The following SLC16A14 variants were observed in gnomAD, a reference collection of about 807,000 sequenced individuals.
SLC16A14 encodes the protein monocarboxylate transporter 14.
SLC16A14 carries 14 observed loss-of-function variants against 35.8 expected under a neutral mutation model. The observed-to-expected ratio is 0.39, with a 90% CI of 0.26 to 0.61. The LOEUF (loss-of-function observed/expected upper bound fraction) is 0.61, where lower values mean the gene tolerates loss of function less well. Ranked by LOEUF, SLC16A14 falls within the 20% of genes least tolerant of loss-of-function variation. SLC16A14 has a pLI of 0.51. For missense variants in SLC16A14, 533 were observed against 655.0 expected, an observed-to-expected ratio of 0.81 and a Z score of 2.03; for synonymous variants, 248 against 258.9, an observed-to-expected ratio of 0.96 and a Z score of 0.40.
chr2:230,039,396 A>G (rs1291226229), intron 4 of SLC16A14, among the ~76,000 whole-genome samples: 1 of 152,142 alleles, frequency 6.6e-6, no homozygotes, highest in Non-Finnish European at 1.5e-5. Flanking sequence ...CTATAATTGG[A>G]GACAAGGGGG....
intron 1 of SLC16A14, among the ~76,000 whole-genome samples, chr2:230,063,185 G>T (rs920821590): frequency 2.0e-5 from 3 of 151,750 alleles, no homozygotes; most frequent in African/African-American, 7.3e-5. Flanking sequence ...TACTTGGGAG[G>T]CTGAGGTAGG....
intron 1 of SLC16A14, among the ~76,000 whole-genome samples, chr2:230,064,332 C>CTGTG (rs2077775315): frequency 1.4e-5 from 2 of 145,534 alleles, no homozygotes. Flanking sequence ...GTGTGTGTGT[C>CTGTG]TGTGTATGCA....
intron 1 of SLC16A14, among the ~76,000 whole-genome samples, chr2:230,060,273 A>G (rs1370955550): frequency 6.6e-6 from 1 of 152,176 alleles, no homozygotes; most frequent in African/African-American, 2.4e-5. Flanking sequence ...TACTTTGCAT[A>G]GATCTATCTC....
rs368293302 is a variant in SLC16A14 at position 230,045,764 on chromosome 2, C to G, written c.1362G>C (p.Leu454Phe). Residue 454 changes from leucine to phenylalanine, a missense_variant, in exon 4 of 5, where the codon TTG becomes TTC. Physicochemically the swap from Leu to Phe is conservative, Grantham distance 22. Transcript: ENST00000295190. ...IIICANGISA[L>F]LGPPFAGWIY... ...GTTTACCTGCAAAAGGTGGTCCCAG[C>G]AATGCAGAGATGCCATTAGCACAGA... The G allele has an allele frequency of 7.2e-5, 117 of 1,614,084 alleles. No individual in the cohort carries two copies. The highest frequency in any genetic ancestry group is 1.6e-4 in the Middle Eastern group (1 of 6,082).
intron 2 of SLC16A14, 121 bp from the exon 3 acceptor site, chr2:230,050,025 C>T (rs538297419): frequency 2.7e-4 from 318 of 1,163,768 alleles, no homozygotes; most frequent in Non-Finnish European, 3.6e-4. Flanking sequence ...ACACAAAAAG[C>T]CCCCATTGCT....
intron 2 of SLC16A14, among the ~76,000 whole-genome samples, chr2:230,058,044 T>C (rs867805284): frequency 8.7e-4 from 131 of 151,124 alleles, no homozygotes; most frequent in Middle Eastern, 6.8e-3. Context: ...AAAAAAAATA[T>C]ATCAGAACTC....
intron 3 of SLC16A14, among the ~76,000 whole-genome samples, chr2:230,049,364 G>A (rs1560475599): frequency 6.6e-6 from 1 of 151,974 alleles, no homozygotes; most frequent in Non-Finnish European, 1.5e-5. Context: ...ACAGGCGTGA[G>A]CTACTGCCCC....
At chr2:230,040,001 A>T (rs2077547684) in intron 4 of SLC16A14, among the ~76,000 whole-genome samples, 1 of 152,092 alleles carries the variant, frequency 6.6e-6, no homozygotes, top group South Asian at 2.1e-4. Context: ...AGCACAAGCC[A>T]TGCTGAATTT....
rs1337822768 is a variant in SLC16A14, at chr2:230,046,095, T to C, written c.1031A>G (p.Tyr344Cys). The C allele has an allele frequency of 2.5e-6, 4 of 1,613,988 alleles. No homozygotes were observed. The highest frequency in any genetic ancestry group is 2.2e-5 in the East Asian group (1 of 44,896). ...FIHLPEIVNL[Y>C]NLSEQNDVFP... The stretch of plus-strand genomic sequence containing the variant: ...AACGTCGTTTTGCTCCGATAAGTTA[T>C]ACAAATTGACGATTTCTGGGAGGTG... The change falls in exon 4 of 5, where the codon TAT becomes TGT. Residue 344 changes from tyrosine to cysteine, a missense_variant. Coordinates refer to ENST00000295190, the MANE Select transcript of SLC16A14 (RefSeq NM_152527.5). The surrounding 1 kb of genome is among the most constrained non-coding windows in gnomAD (Gnocchi z 5.0).
chr2:230,065,992 G>A (rs1041240621), intron 1 of SLC16A14, among the ~76,000 whole-genome samples: 2 of 152,184 alleles, frequency 1.3e-5, no homozygotes, highest in Middle Eastern at 3.4e-3. Flanking sequence ...GTGAATGTGG[G>A]GCTTCTGCTA....
intron 1 of SLC16A14, among the ~76,000 whole-genome samples, chr2:230,061,705 A>G (rs1298517298): frequency 1.3e-5 from 2 of 152,012 alleles, no homozygotes; most frequent in African/African-American, 4.8e-5. Flanking sequence ...GACATTTTAA[A>G]TTAATACTTG....
chr2:230,046,455 T>C lies in SLC16A14; in HGVS notation c.671A>G (p.Lys224Arg). The C allele has an allele frequency of 1.9e-6, 3 of 1,614,218 alleles. No individual in the cohort carries two copies. Among genetic ancestry groups the C allele is most frequent in the Non-Finnish European group, 1.7e-6 (2 of 1,180,044 alleles). Residue 224 changes from lysine to arginine, a missense_variant, in exon 4 of 5, where the codon AAA becomes AGA. Lys to Arg is a conservative substitution (Grantham distance 26). Transcript: ENST00000295190. This position sits in a 1 kb window ranked among gnomAD's most constrained non-coding sequence, Gnocchi z 5.0. Reference sequence around the variant, plus strand: ...GTGCGCTGGCAGGCCACGCACATCTTTCTCTCCTGGGTCGTTTGGGTTTTT... The same window carrying C: ...GTGCGCTGGCAGGCCACGCACATCTCTCTCTCCTGGGTCGTTTGGGTTTTT... ...PGKNPNDPGEKDVRGLPAHST... is the reference protein window; with the variant it reads ...PGKNPNDPGERDVRGLPAHST...
At chr2:230,060,688 G>C (rs78293743) in intron 1 of SLC16A14, among the ~76,000 whole-genome samples, 3 of 130,728 alleles carry the variant, frequency 2.3e-5, no homozygotes, top group Non-Finnish European at 5.0e-5. Flanking sequence ...GTTTTTTTTG[G>C]GGGGAGGGGA....
At chr2:230,045,646 A>C in intron 4 of SLC16A14, 99 bp downstream of exon 4, 1 of 1,344,424 alleles carries the variant, frequency 7.4e-7, no homozygotes, top group East Asian at 2.3e-5. Context: ...TAAAAGGAAA[A>C]TGTACACAAA....
In SLC16A14 at chr2:230,046,879, C is replaced by T. The variant is rs1370835041; in HGVS notation, c.404-157G>A. The stretch of plus-strand genomic sequence containing the variant: ...ACACTGATTATTTAAAAAGCAGCTC[C>T]CAGGGATAAGCAGCAGAAAGACCAT... On this transcript the variant is annotated intron_variant, in intron 3 of 4. Coordinates refer to ENST00000295190, the MANE Select transcript of SLC16A14 (RefSeq NM_152527.5). The surrounding 1 kb of genome is among the most constrained non-coding windows in gnomAD (Gnocchi z 5.0). Among the ~76,000 whole-genome samples, 1 of 152,176 alleles carries T rather than the reference C, an allele frequency of 6.6e-6. No individual in the cohort carries two copies. Among genetic ancestry groups the T allele is most frequent in the African/African-American group, 2.4e-5 (1 of 41,434 alleles).
intron 1 of SLC16A14, among the ~76,000 whole-genome samples, chr2:230,067,553 T>G (rs1205990485): frequency 6.9e-6 from 1 of 145,436 alleles, no homozygotes; most frequent in African/African-American, 2.6e-5. Flanking sequence ...TCTCTCTCTC[T>G]CTCTCTCTCT....
chr2:230,056,900 AAAG>A (rs2077710278), intron 2 of SLC16A14, among the ~76,000 whole-genome samples: 1 of 151,074 alleles, frequency 6.6e-6, no homozygotes, highest in Non-Finnish European at 1.5e-5. Flanking sequence ...AAAAAAAAAA[AAAG>A]AGTTGAATGC....
intron 4 of SLC16A14, among the ~76,000 whole-genome samples, chr2:230,041,883 G>C (rs765017145): frequency 2.0e-5 from 3 of 152,134 alleles, no homozygotes; most frequent in African/African-American, 7.2e-5. Context: ...ATTTAGTCAC[G>C]CATGTTGCCA....
Position 230,046,732 on chromosome 2 carries a change from C to T in SLC16A14, c.404-10G>A, listed in dbSNP as rs1436337506. The T allele has an allele frequency of 6.3e-7, 1 of 1,579,688 alleles. No homozygotes were observed. The highest frequency in any genetic ancestry group is 1.8e-5 in the Admixed American group (1 of 57,066). On this transcript the variant is annotated splice_polypyrimidine_tract_variant and intron_variant, in intron 3 of 4. Coordinates refer to ENST00000295190, the MANE Select transcript of SLC16A14 (RefSeq NM_152527.5). This position sits in a 1 kb window ranked among gnomAD's most constrained non-coding sequence, Gnocchi z 5.0. ...ATCCCGCTGCCCAGGCCTGTACAGG[C>T]CGACGGGGGGAAGAAAAGACACAGT...
Sources: gnomAD v4.1 joint callset for allele counts (sites outside exome capture counted in the v4.1 genomes callset) on GRCh38, gnomAD v4.1.1 for gene constraint, Gnocchi (gnomAD v3.1) non-coding constraint, MANE v1.5 for transcripts, NCBI Gene and HGNC (gene_info 2026-07-23, HGNC 2026-07-21) for gene names.